RSRC1: variants seen among roughly 807,000 people sequenced by gnomAD.
RSRC1 encodes serine/Arginine-related protein 53.
RSRC1 carries 39 observed loss-of-function variants against 49.1 expected under a neutral mutation model. The observed-to-expected ratio is 0.79, with a 90% CI of 0.61 to 1.04. The LOEUF (loss-of-function observed/expected upper bound fraction) is 1.04. Among genes scored for constraint, RSRC1 ranks in the 50% least tolerant of loss-of-function variants. The pLI is 0.00. For synonymous variants in RSRC1, 143 were observed against 130.8 expected (o/e 1.09, Z -0.63); for missense variants, 388 against 402.4 (o/e 0.96, Z 0.31).
intron 5 of RSRC1, among the ~76,000 whole-genome samples, chr3:158,349,764 C>T (rs1360852480): frequency 1.6e-5 from 2 of 125,016 alleles, no homozygotes; most frequent in African/African-American, 6.0e-5. Context: ...GTGGCACAAT[C>T]TCGGCTCATT....
At chr3:158,344,144 A>C (rs1344056374) in intron 5 of RSRC1, among the ~76,000 whole-genome samples, 1 of 152,198 alleles carries the variant, frequency 6.6e-6, no homozygotes, top group Non-Finnish European at 1.5e-5. Flanking sequence ...CTGTAATCCT[A>C]GCTACTTGGA....
At chr3:158,406,689 C>A (rs1041141576) in intron 6 of RSRC1, among the ~76,000 whole-genome samples, 21 of 151,990 alleles carry the variant, frequency 1.4e-4, no homozygotes, top group African/African-American at 5.1e-4. Context: ...GGGAGAGCTT[C>A]AAAAAGATAG....
intron 5 of RSRC1, among the ~76,000 whole-genome samples, chr3:158,351,795 A>G (rs1730888817): frequency 1.3e-5 from 2 of 151,174 alleles, no homozygotes; most frequent in Non-Finnish European, 3.0e-5. Context: ...TGTCTTTGAA[A>G]TATGAATCCT....
intron 7 of RSRC1, among the ~76,000 whole-genome samples, chr3:158,521,137 A>C (rs551473115): frequency 1.2e-4 from 18 of 152,284 alleles, no homozygotes; most frequent in African/African-American, 3.9e-4. Context: ...CTAGTCACCT[A>C]TTGGTGGTAG....
chr3:158,115,620 A>G (rs1007398057), intron 1 of RSRC1, among the ~76,000 whole-genome samples: 3 of 152,224 alleles, frequency 2.0e-5, no homozygotes, highest in Non-Finnish European at 4.4e-5. Context: ...TATCTTTGAT[A>G]TGAAAAATAA....
At chr3:158,368,200 A>G (rs888783024) in intron 6 of RSRC1, among the ~76,000 whole-genome samples, 2 of 152,172 alleles carry the variant, frequency 1.3e-5, no homozygotes, top group African/African-American at 4.8e-5. Context: ...ACTCGAGTAC[A>G]ATGCTGGATC....
intron 3 of RSRC1, among the ~76,000 whole-genome samples, chr3:158,181,423 C>T (rs1287108905): frequency 2.0e-5 from 3 of 152,232 alleles, no homozygotes; most frequent in African/African-American, 7.2e-5. Flanking sequence ...GCATTTATCC[C>T]AGAGTTAAGA....
At chr3:158,438,099 T>A (rs932614722) in intron 6 of RSRC1, among the ~76,000 whole-genome samples, 2 of 152,050 alleles carry the variant, frequency 1.3e-5, no homozygotes, top group Non-Finnish European at 2.9e-5. Flanking sequence ...TACCTAGGAA[T>A]CCAACTTACA....
At chr3:158,511,258 C>G (rs1404155177) in intron 7 of RSRC1, among the ~76,000 whole-genome samples, 6 of 151,988 alleles carry the variant, frequency 3.9e-5, no homozygotes, top group African/African-American at 1.5e-4. Flanking sequence ...CCTTCCCCCT[C>G]CCCCTACCCC....
At chr3:158,119,716 G>A in intron 1 of RSRC1, among the ~76,000 whole-genome samples, 1 of 85,072 alleles carries the variant, frequency 1.2e-5, no homozygotes, top group South Asian at 3.5e-4. Flanking sequence ...ATGGACACAT[G>A]TGAATTTATA....
chr3:158,207,617 A>G (rs960127975), intron 4 of RSRC1, among the ~76,000 whole-genome samples: 3 of 118,042 alleles, frequency 2.5e-5, no homozygotes, highest in African/African-American at 6.1e-5. Flanking sequence ...AAAACAACCT[A>G]TGTGCAAAAG....
At chr3:158,225,704 GGAAGA>G (rs1371987771) in intron 4 of RSRC1, 6 of 452,804 alleles carry the variant, frequency 1.3e-5, no homozygotes, top group Admixed American at 2.4e-5. Flanking sequence ...ACATCTAACA[GGAAGA>G]GAAAAGTTTT....
In RSRC1 at chr3:158,228,963, T is replaced by TACGTGTATATGTGTGTATAAACACAC. The variant is rs1559952064; in HGVS notation, c.494+25720_494+25745dup. Among the ~76,000 whole-genome samples the TACGTGTATATGTGTGTATAAACACAC allele has an allele frequency of 3.0e-3, 322 of 105,974 alleles. 107 individuals carry two copies. The highest frequency in any genetic ancestry group is 0.025 in the East Asian group (87 of 3,512). 69.5% of individuals were successfully genotyped at this position (105,974 alleles called of 152,430 possible). A position where few individuals can be genotyped will look rare whatever the true frequency, so the allele number is the denominator to read the frequency against. On this transcript the variant is annotated intron_variant, in intron 4 of 9. Transcript: ENST00000611884. ...GTGTATATGTGTGTATAAACACACATACGTGTATATGTGTGTATAAACACA... is the reference window on the plus strand; with the variant it reads ...GTGTATATGTGTGTATAAACACACATACGTGTATATGTGTGTATAAACACACACGTGTATATGTGTGTATAAACACA...
At chr3:158,438,198 G>A (rs1000589024) in intron 6 of RSRC1, among the ~76,000 whole-genome samples, 1 of 152,150 alleles carries the variant, frequency 6.6e-6, no homozygotes, top group African/African-American at 2.4e-5. Flanking sequence ...AATATTTCAT[G>A]CTCATGGATA....
At chr3:158,432,607 T>A (rs564361184) in intron 6 of RSRC1, among the ~76,000 whole-genome samples, 1 of 152,108 alleles carries the variant, frequency 6.6e-6, no homozygotes, top group Non-Finnish European at 1.5e-5. Context: ...TAACTCATTT[T>A]GAATTGAGGT....
intron 5 of RSRC1, among the ~76,000 whole-genome samples, chr3:158,331,024 A>T (rs143907973): frequency 6.6e-6 from 1 of 152,132 alleles, no homozygotes; most frequent in Non-Finnish European, 1.5e-5. Context: ...TGTGCAGGGG[A>T]ATTCCCCTTT....
At chr3:158,182,569 T>C (rs181590221) in intron 3 of RSRC1, among the ~76,000 whole-genome samples, 3 of 152,298 alleles carry the variant, frequency 2.0e-5, no homozygotes, top group Admixed American at 2.0e-4. Context: ...TATTGCAGCC[T>C]TAGGTTTCCT....
chr3:158,507,139 C>T (rs1739896896), intron 7 of RSRC1, among the ~76,000 whole-genome samples: 1 of 152,042 alleles, frequency 6.6e-6, no homozygotes, highest in Non-Finnish European at 1.5e-5. Context: ...ATAAGCCAAA[C>T]ACAGAAAGAC....
intron 6 of RSRC1, among the ~76,000 whole-genome samples, chr3:158,394,511 A>G (rs971444425): frequency 2.6e-5 from 4 of 152,102 alleles, no homozygotes; most frequent in Admixed American, 1.3e-4. Context: ...TACAAAATCA[A>G]TGTACAAAAA....
Sources: gnomAD v4.1 joint callset for allele counts (sites outside exome capture counted in the v4.1 genomes callset) on GRCh38, gnomAD v4.1.1 for gene constraint, MANE v1.5 for transcripts, NCBI Gene and HGNC (gene_info 2026-07-23, HGNC 2026-07-21) for gene names.